The following SPOCK1 variants were observed in gnomAD, a reference collection of about 807,000 sequenced individuals.
SPOCK1 encodes the protein SPARC (osteonectin), cwcv and kazal like domains proteoglycan 1.
Under a neutral mutation model 55.3 loss-of-function variants are expected in SPOCK1, and 23 were observed. The ratio of observed to expected loss-of-function variants is 0.42; its 90% confidence interval spans 0.30 to 0.59. The LOEUF (loss-of-function observed/expected upper bound fraction) is 0.59, where lower values mean the gene tolerates loss of function less well. SPOCK1 is among the 20% of genes least tolerant of loss of function. The probability of loss-of-function intolerance (pLI) is 0.22; values close to 1 mark genes in which losing one functional copy is unlikely to be tolerated. For synonymous variants in SPOCK1, 226 were observed against 221.0 expected, an observed-to-expected ratio of 1.02 and a Z score of -0.20; for missense variants, 499 against 552.5, an observed-to-expected ratio of 0.90 and a Z score of 0.97.
At chr5:137,294,749 C>T (rs1757445674) in intron 2 of SPOCK1, among the ~76,000 whole-genome samples, 1 of 152,204 alleles carries the variant, frequency 6.6e-6, no homozygotes, top group African/African-American at 2.4e-5. Context: ...TCACTCTGCT[C>T]CAGTCACTCT....
At chr5:137,392,188 C>T (rs578253052) in intron 2 of SPOCK1, among the ~76,000 whole-genome samples, 1 of 152,126 alleles carries the variant, frequency 6.6e-6, no homozygotes, top group Non-Finnish European at 1.5e-5. Flanking sequence ...GTACACTGGC[C>T]TCAAAGCTCC....
chr5:137,305,411 A>G (rs1426636069), intron 2 of SPOCK1, among the ~76,000 whole-genome samples: 2 of 152,210 alleles, frequency 1.3e-5, no homozygotes, highest in Non-Finnish European at 2.9e-5. Context: ...TTACATCTGT[A>G]AAGACCTCAT....
intron 2 of SPOCK1, among the ~76,000 whole-genome samples, chr5:137,278,462 C>A (rs942137766): frequency 6.6e-6 from 1 of 152,182 alleles, no homozygotes; most frequent in Admixed American, 6.5e-5. Flanking sequence ...TGTACAATCA[C>A]CAACAAGGCT....
At chr5:137,079,688 C>T (rs760126870) in intron 5 of SPOCK1, among the ~76,000 whole-genome samples, 4 of 152,204 alleles carry the variant, frequency 2.6e-5, no homozygotes, top group Non-Finnish European at 4.4e-5. Context: ...GACTCTTCAA[C>T]AACATGCAAC....
intron 3 of SPOCK1, among the ~76,000 whole-genome samples, chr5:137,172,425 A>G (rs1246461750): frequency 6.6e-6 from 1 of 152,148 alleles, no homozygotes; most frequent in Non-Finnish European, 1.5e-5. Flanking sequence ...AATCTATCTC[A>G]GTTGCCATGT....
chr5:137,408,326 G>A (rs1043649352), intron 2 of SPOCK1, among the ~76,000 whole-genome samples: 1 of 152,198 alleles, frequency 6.6e-6, no homozygotes, highest in Admixed American at 6.5e-5. Flanking sequence ...ATAGTCAGGA[G>A]TGGGGATGTG....
intron 6 of SPOCK1, among the ~76,000 whole-genome samples, chr5:137,017,810 T>A (rs1448078351): frequency 6.6e-6 from 1 of 152,164 alleles, no homozygotes; most frequent in Non-Finnish European, 1.5e-5. Flanking sequence ...GGAAAAATTT[T>A]AAAAAATTCT....
chr5:137,210,378 G>A (rs940522122), intron 3 of SPOCK1, among the ~76,000 whole-genome samples: 1 of 152,064 alleles, frequency 6.6e-6, no homozygotes, highest in African/African-American at 2.4e-5. Context: ...TATTTATCTA[G>A]GGAACCCTTA....
At chr5:137,260,169 C>G (rs919241614) in intron 3 of SPOCK1, among the ~76,000 whole-genome samples, 12 of 152,160 alleles carry the variant, frequency 7.9e-5, no homozygotes. Context: ...CACATTTTAA[C>G]AGTGGCAGAG....
At chr5:137,389,001 A>G (rs1202175815) in intron 2 of SPOCK1, among the ~76,000 whole-genome samples, 3 of 152,224 alleles carry the variant, frequency 2.0e-5, no homozygotes, top group Non-Finnish European at 2.9e-5. Flanking sequence ...CAACTACAGC[A>G]AAACACCTAA....
intron 6 of SPOCK1, among the ~76,000 whole-genome samples, chr5:137,021,788 T>A (rs1012233641): frequency 2.0e-5 from 3 of 152,134 alleles, no homozygotes; most frequent in Non-Finnish European, 4.4e-5. Context: ...GATGACAATA[T>A]TTTCCATTGA....
chr5:137,221,526 A>G (rs1049933225), intron 3 of SPOCK1, among the ~76,000 whole-genome samples: 4 of 152,158 alleles, frequency 2.6e-5, no homozygotes, highest in African/African-American at 9.7e-5. Flanking sequence ...ACAGCATGAA[A>G]TTCCTAATAA....
chr5:136,987,750 C>T (rs1580695112), intron 8 of SPOCK1, among the ~76,000 whole-genome samples: 1 of 152,296 alleles, frequency 6.6e-6, no homozygotes, highest in East Asian at 1.9e-4. Context: ...CGATGTGGGC[C>T]TGTCTCTTCT....
intron 6 of SPOCK1, among the ~76,000 whole-genome samples, chr5:137,037,634 C>G (rs1751908728): frequency 1.3e-5 from 2 of 152,188 alleles, no homozygotes; most frequent in South Asian, 4.1e-4. Context: ...GATCAGCATA[C>G]ATATACTCCC....
At chr5:137,015,237 C>T (rs1048232369) in intron 6 of SPOCK1, among the ~76,000 whole-genome samples, 3 of 149,870 alleles carry the variant, frequency 2.0e-5, no homozygotes, top group South Asian at 2.1e-4. Context: ...GTCAGGAGAT[C>T]GAGACCATCC....
intron 4 of SPOCK1, among the ~76,000 whole-genome samples, chr5:137,137,899 C>T (rs775746298): frequency 1.5e-4 from 23 of 152,078 alleles, no homozygotes; most frequent in Non-Finnish European, 3.2e-4. Flanking sequence ...AGTAATTGTA[C>T]GAACAGCTGC....
rs370294891 is a variant in SPOCK1 at position 137,115,394 on chromosome 5, C to T, written c.348-2833G>A. 2.9e-3 allele frequency among the ~76,000 whole-genome samples: 436 copies of T among 151,912 alleles called. 15 individuals are homozygous for T. The South Asian group carries it at 0.084, about 29-fold the overall frequency. ...AGTTACATCATCTAAAATTGTTGAA[C>T]GGAAGTTGTTCAGGAAACCAGCATC... On this transcript the variant is annotated intron_variant, in intron 4 of 10. Coordinates refer to ENST00000394945, the MANE Select transcript of SPOCK1 (RefSeq NM_004598.4).
chr5:136,978,561 A>G lies in SPOCK1; in HGVS notation c.*93T>C. 2.2e-6 allele frequency: 3 copies of G among 1,372,694 alleles called. No individual in the cohort carries two copies. The highest frequency in any genetic ancestry group is 3.0e-6 in the Non-Finnish European group (3 of 1,008,578). 85.0% of individuals were successfully genotyped at this position (1,372,694 alleles called of 1,614,324 possible). ...GGTATAGAGAGCAACAATGGAGAAG[A>G]GACCTTGGTGCCTTGGAGTCTTAGA... On this transcript the variant is annotated 3_prime_UTR_variant, in exon 11 of 11. Transcript: ENST00000394945.
intron 2 of SPOCK1, among the ~76,000 whole-genome samples, chr5:137,432,506 A>C (rs1386930001): frequency 6.6e-6 from 1 of 152,240 alleles, no homozygotes; most frequent in Non-Finnish European, 1.5e-5. Context: ...CAGACACACA[A>C]AGACAGATGC....
Sources: allele counts gnomAD v4.1 joint callset (sites outside exome capture counted in the v4.1 genomes callset), GRCh38; gene constraint gnomAD v4.1.1; transcripts MANE v1.5; gene names NCBI Gene and HGNC (gene_info 2026-07-23, HGNC 2026-07-21).